Variants in ITK observed in about 807,000 individuals in gnomAD.
ITK encodes the protein tyrosine-protein kinase ITK/TSK.
A neutral mutation model predicts 87.6 loss-of-function variants in ITK; 45 were observed. The ratio of observed to expected loss-of-function variants is 0.51; its 90% CI spans 0.40 to 0.66. The LOEUF is 0.66. ITK is among the 30% of genes least tolerant of loss of function. ITK has a pLI of 0.00. For synonymous variants in ITK, 303 were observed against 273.6 expected (o/e 1.11, Z -1.06); for missense variants, 605 against 766.3 (o/e 0.79, Z 2.48).
intron 8 of ITK, among the ~76,000 whole-genome samples, chr5:157,234,620 C>T (rs152106): frequency 0.23 from 35,581 of 152,000 alleles, 5,015 homozygotes; most frequent in Non-Finnish European, 0.31. Flanking sequence ...ATGTCCTTTG[C>T]AGGGACATGG....
Position 157,248,992 on chromosome 5 carries a change from T to A in ITK, c.1776T>A (p.Asn592Lys), listed in dbSNP as rs1366452228. ...LASTHVYQIM[N>K]HCWKERPEDR... ...CCACACACGTCTACCAGATTATGAA[T>A]CACTGCTGGAAAGAGGTCAGTGGAG... Residue 592 changes from asparagine (N) to lysine (K), a missense_variant, in exon 16 of 17, where the codon AAT (asparagine) becomes AAA (lysine). Physicochemically the swap from Asn to Lys is moderately conservative, Grantham distance 94. This residue lies in a region of ITK where 71 missense variants were observed against 65.8 expected (regional missense o/e 1.08). Coordinates refer to ENST00000422843, the MANE Select transcript of ITK (RefSeq NM_005546.4). 1.4e-5 allele frequency: 23 copies of A among 1,613,734 alleles called. No individual in the cohort carries two copies. The highest frequency in any genetic ancestry group is 1.7e-5 in the Non-Finnish European group (20 of 1,179,814).
intron 7 of ITK, 105 bp downstream of exon 7, chr5:157,228,466 C>A: frequency 1.4e-6 from 1 of 734,674 alleles, no homozygotes; most frequent in Non-Finnish European, 2.5e-6. Context: ...ATCCCTACTG[C>A]AACAGCAATG....
At chr5:157,232,766 C>T (rs1470781603) in intron 8 of ITK, among the ~76,000 whole-genome samples, 1 of 152,214 alleles carries the variant, frequency 6.6e-6, no homozygotes, top group African/African-American at 2.4e-5. Context: ...TAGCAAACCA[C>T]AGGATAAGAA....
chr5:157,209,110 CA>C (rs2113752490), intron 2 of ITK, 117 bp downstream of exon 2: 1 of 744,772 alleles, frequency 1.3e-6, no homozygotes, highest in African/African-American at 1.7e-5. Context: ...TTGAGGCAGG[CA>C]GATCACGAGG....
Position 157,181,117 on chromosome 5 carries a change from T to A in ITK, c.138+2T>A. On this transcript the variant is annotated splice_donor_variant, in intron 1 of 16. Transcript: ENST00000422843. LOFTEE classifies it high-confidence loss of function. ...GCATACTTTGAAGATCGTCATGGGG[T>A]ATGTGAGCAGTTTCATTTGTCTTTT... is the stretch of plus-strand genomic sequence containing the variant. 1 of 1,614,008 alleles carries A rather than the reference T, an allele frequency of 6.2e-7. No individual in the cohort carries two copies. The highest frequency in any genetic ancestry group is 8.5e-7 in the Non-Finnish European group (1 of 1,179,876).
chr5:157,190,383 T>C (rs1247238967), intron 1 of ITK, among the ~76,000 whole-genome samples: 1 of 152,252 alleles, frequency 6.6e-6, no homozygotes, highest in Admixed American at 6.5e-5. Flanking sequence ...TACATTTCAA[T>C]TTATTCATTT....
chr5:157,211,481 T>C (rs1754191382), intron 3 of ITK, 113 bp downstream of exon 3: 1 of 942,452 alleles, frequency 1.1e-6, no homozygotes, highest in South Asian at 1.3e-5. Context: ...GATTTCTCTT[T>C]TGGGGTTGGT....
At chr5:157,223,227 T>C (rs1580894493) in intron 6 of ITK, among the ~76,000 whole-genome samples, 7 of 152,138 alleles carry the variant, frequency 4.6e-5, no homozygotes, top group Admixed American at 4.6e-4. Context: ...TTGCTATGCT[T>C]GTTCCCTGCA....
intron 13 of ITK, 72 bp downstream of exon 13, chr5:157,244,550 G>A (rs565775887): frequency 3.2e-5 from 28 of 864,362 alleles, no homozygotes; most frequent in Middle Eastern, 2.2e-4. Flanking sequence ...GACTGGGAAC[G>A]CATTAATAAA....
At chr5:157,207,377 CTTTTTTTTTTTTTTT>C (rs536290068) in intron 1 of ITK, among the ~76,000 whole-genome samples, 931 of 59,164 alleles carry the variant, frequency 0.016, 33 homozygotes, top group African/African-American at 0.057. Context: ...AGATACGTCT[CTTTTTTTTTTTTTTT>C]TTTTTTTTTT....
rs865985141 is a variant in ITK at position 157,244,352 on chromosome 5, C to T, written c.1323C>T (p.Gly441=). The change falls in exon 13 of 17, where the codon GGC becomes GGT. Residue 441 remains glycine, a synonymous_variant. Coordinates refer to ENST00000422843, the MANE Select transcript of ITK (RefSeq NM_005546.4). Reference sequence around the variant, plus strand: ...TGGTGTTTGAGTTCATGGAGCACGGCTGCCTGTCAGATTATCTACGCACCC... The same window carrying T: ...TGGTGTTTGAGTTCATGGAGCACGGTTGCCTGTCAGATTATCTACGCACCC... The part of the protein sequence containing the change: ...ICLVFEFMEH[G]CLSDYLRTQR... The T allele has an allele frequency of 6.2e-7, 1 of 1,614,068 alleles. No homozygotes were observed.
At chr5:157,211,177 C>T in intron 2 of ITK, 110 bp from the exon 3 acceptor site, 2 of 865,260 alleles carry the variant, frequency 2.3e-6, no homozygotes, top group South Asian at 1.3e-5. Flanking sequence ...CAAATGTTTG[C>T]CTATATGACG....
chr5:157,222,729 C>G, intron 5 of ITK, 134 bp from the exon 6 acceptor site: 2 of 796,730 alleles, frequency 2.5e-6, no homozygotes, highest in Admixed American at 4.0e-5. Flanking sequence ...GTGTCATGTT[C>G]AGCGCTGTAA....
chr5:157,233,546 C>A (rs1344408483), intron 8 of ITK, among the ~76,000 whole-genome samples: 1 of 152,054 alleles, frequency 6.6e-6, no homozygotes, highest in Non-Finnish European at 1.5e-5. Context: ...TTCCCAGGTC[C>A]CACCCCAGAT....
At chr5:157,209,102 G>A in intron 2 of ITK, 109 bp downstream of exon 2, 1 of 765,910 alleles carries the variant, frequency 1.3e-6, no homozygotes, top group South Asian at 1.4e-5. Context: ...TTGGGAGGTT[G>A]AGGCAGGCAG....
chr5:157,217,334 G>A (rs1415081662), intron 4 of ITK, among the ~76,000 whole-genome samples: 1 of 152,144 alleles, frequency 6.6e-6, no homozygotes, highest in Admixed American at 6.5e-5. Context: ...GTTTGAAAGA[G>A]GCAGAAAGAA....
At chr5:157,205,643 C>G (rs570713437) in intron 1 of ITK, among the ~76,000 whole-genome samples, 1 of 152,278 alleles carries the variant, frequency 6.6e-6, no homozygotes, top group East Asian at 1.9e-4. Context: ...ATGGGTATAA[C>G]AGTTATGAGC....
intron 2 of ITK, 31 bp from the exon 3 acceptor site, chr5:157,211,256 C>T (rs1754186596): frequency 6.3e-7 from 1 of 1,582,744 alleles, no homozygotes; most frequent in African/African-American, 1.3e-5. Flanking sequence ...ATGCACGCTG[C>T]TCACCTTGAA....
At chr5:157,186,635 G>GCACC (rs1753648212) in intron 1 of ITK, among the ~76,000 whole-genome samples, 1 of 151,656 alleles carries the variant, frequency 6.6e-6, no homozygotes, top group African/African-American at 2.4e-5. Context: ...AAGATTGTGC[G>GCACC]ATTGCACTCC....
Sources: allele counts gnomAD v4.1 joint callset (sites outside exome capture counted in the v4.1 genomes callset), GRCh38; gene constraint gnomAD v4.1.1; regional missense constraint gnomAD v4.1.1; transcripts MANE v1.5; gene names NCBI Gene and HGNC (gene_info 2026-07-23, HGNC 2026-07-21).